The following XPO5 variants were observed in gnomAD, a reference collection of about 807,000 sequenced individuals.
XPO5 encodes exportin 5, also known as exportin-5.
A neutral mutation model predicts 160.6 loss-of-function variants in XPO5; 46 were observed. That is an observed-to-expected ratio of 0.29 (90% CI 0.23 to 0.37). The LOEUF is 0.37. Ranked by LOEUF, XPO5 falls within the 10% of genes least tolerant of loss-of-function variation. The probability of loss-of-function intolerance (pLI) is 1.00; values close to 1 mark genes in which losing one functional copy is unlikely to be tolerated. For synonymous variants in XPO5, 537 were observed against 519.3 expected (o/e 1.03, Z -0.46); for missense variants, 1,090 against 1,463.9 (o/e 0.74, Z 4.17).
intron 20 of XPO5, chr6:43,538,719 G>T (rs1339337112): frequency 5.6e-5 from 27 of 483,870 alleles, no homozygotes; most frequent in Admixed American, 1.2e-4. Flanking sequence ...GTCTGGTTTT[G>T]GTATCAAAAT....
intron 24 of XPO5, 88 bp downstream of exon 24, chr6:43,528,740 C>T: frequency 7.7e-7 from 1 of 1,296,730 alleles, no homozygotes; most frequent in Non-Finnish European, 1.1e-6. Flanking sequence ...GTAGACAACA[C>T]TTCTAGGAGC....
intron 8 of XPO5, among the ~76,000 whole-genome samples, chr6:43,564,877 T>C (rs1476970255): frequency 2.6e-5 from 4 of 151,938 alleles, no homozygotes. Flanking sequence ...GTGCTGAGGT[T>C]ACAAATGTTA....
chr6:43,556,037 A>G, intron 12 of XPO5, 73 bp from the exon 13 acceptor site: 1 of 1,574,072 alleles, frequency 6.4e-7, no homozygotes, highest in Non-Finnish European at 8.6e-7. Flanking sequence ...ATGTTTATTA[A>G]TTTACCACCC....
At chr6:43,528,806 C>A (rs771432017) in intron 24 of XPO5, 22 bp downstream of exon 24, 2 of 1,608,900 alleles carry the variant, frequency 1.2e-6, no homozygotes, top group Admixed American at 3.4e-5. Flanking sequence ...TCTTTGCTTC[C>A]TGTTCCTGAC....
At chr6:43,540,063 C>T (rs1285562077) in intron 20 of XPO5, among the ~76,000 whole-genome samples, 1 of 152,160 alleles carries the variant, frequency 6.6e-6, no homozygotes, top group African/African-American at 2.4e-5. Context: ...GAGAACCAGC[C>T]TGGCCAACAT....
rs999071739 is a variant in XPO5, at chr6:43,547,597, G to A, written c.2160+11C>T. The A allele has an allele frequency of 6.8e-6, 11 of 1,613,474 alleles. No individual in the cohort carries two copies. In the African/African-American group the frequency reaches 1.1e-4, roughly 16 times the overall value. ...GGCCAATGCCACTTCCCATTCCCAG[G>A]AAAGTCTTACTCGTGCACGGTTTAA... On this transcript the variant is annotated intron_variant, in intron 19 of 31. Transcript: ENST00000265351.
rs1032341570 is a variant in XPO5 at position 43,565,707 on chromosome 6, C to A, written c.864G>T (p.Met288Ile). Residue 288 changes from methionine (M) to isoleucine (I), a missense_variant, in exon 8 of 32, where the codon ATG (methionine) becomes ATT (isoleucine). By Grantham distance (10) the Met-to-Ile change is conservative. Coordinates refer to ENST00000265351, the MANE Select transcript of XPO5 (RefSeq NM_020750.3). ...KGKLEDRKPL[M>I]VLFGDVAMHY... ...GCATGGCAACATCTCCAAATAAGAC[C>A]ATCAAGGGCTTCCGGTCTTCCAACT... is the stretch of plus-strand genomic sequence containing the variant. 6.2e-7 allele frequency: 1 copy of A among 1,610,088 alleles called. No homozygotes were observed. The highest frequency in any genetic ancestry group is 1.3e-5 in the African/African-American group (1 of 74,968).
At chr6:43,534,785 G>A (rs1298845590) in intron 20 of XPO5, among the ~76,000 whole-genome samples, 1 of 152,092 alleles carries the variant, frequency 6.6e-6, no homozygotes, top group Non-Finnish European at 1.5e-5. Context: ...ATTACCTGAG[G>A]TCAGGAGTTC....
chr6:43,549,419 A>G, intron 17 of XPO5, 70 bp downstream of exon 17: 1 of 1,444,674 alleles, frequency 6.9e-7, no homozygotes, highest in Admixed American at 2.3e-5. Context: ...TATGTGAGGT[A>G]CACTGAAAGC....
At chr6:43,558,468 T>C (rs774140426) in intron 12 of XPO5, 33 bp downstream of exon 12, 5 of 1,544,248 alleles carry the variant, frequency 3.2e-6, no homozygotes, top group Middle Eastern at 1.7e-4. Flanking sequence ...ATTCTGAGAC[T>C]GTTGAGAGAA....
chr6:43,565,745 A>C lies in XPO5; in HGVS notation c.835-9T>G. 2.5e-6 allele frequency: 4 copies of C among 1,593,114 alleles called. No individual in the cohort carries two copies. Among genetic ancestry groups the C allele is most frequent in the Non-Finnish European group, 3.4e-6 (4 of 1,170,386 alleles). On this transcript the variant is annotated splice_polypyrimidine_tract_variant and intron_variant, in intron 7 of 31. Transcript: ENST00000265351. ...CGGTCTTCCAACTTGCCCTAGACCC[A>C]ATTTTAGGGAAACATAGTCATATAA...
At chr6:43,560,115 A>G in intron 11 of XPO5, 63 bp downstream of exon 11, 1 of 1,558,298 alleles carries the variant, frequency 6.4e-7, no homozygotes, top group Non-Finnish European at 8.7e-7. Context: ...CACCGCACCC[A>G]GCCTCAAAGT....
At position 43,528,821 on chromosome 6, in the gene XPO5, C is replaced by G. The variant is rs752933412; in HGVS notation, c.2775+7G>C. ...TCTTTGCTTCCTGTTCCTGACTTAT[C>G]TCTTACCATATGGAGGTAGGTGAAA... On this transcript the variant is annotated splice_region_variant and intron_variant, in intron 24 of 31. Coordinates refer to ENST00000265351, the MANE Select transcript of XPO5 (RefSeq NM_020750.3). 1.2e-6 allele frequency: 2 copies of G among 1,612,954 alleles called. No individual in the cohort carries two copies. The highest frequency in any genetic ancestry group is 2.7e-5 in the African/African-American group (2 of 74,906).
chr6:43,526,652 A>G, intron 27 of XPO5, 33 bp downstream of exon 27: 4 of 1,612,630 alleles, frequency 2.5e-6, no homozygotes, highest in Non-Finnish European at 3.4e-6. Flanking sequence ...GGAGGCTAAG[A>G]GCAGAACTCC....
chr6:43,533,192 T>G (rs190953159), intron 21 of XPO5, among the ~76,000 whole-genome samples: 79 of 141,830 alleles, frequency 5.6e-4, no homozygotes, highest in African/African-American at 2.0e-3. Flanking sequence ...ATCTATTCCT[T>G]TAAAAACTTT....
At chr6:43,547,801 T>G in intron 18 of XPO5, 94 bp from the exon 19 acceptor site, 1 of 1,052,216 alleles carries the variant, frequency 9.5e-7, no homozygotes, top group Non-Finnish European at 1.4e-6. Flanking sequence ...TATTTGGCCC[T>G]TAAGAGCAGT....
chr6:43,524,138 G>A, intron 31 of XPO5, 133 bp from the exon 32 acceptor site: 1 of 1,327,794 alleles, frequency 7.5e-7, no homozygotes. Context: ...GATCACCTGA[G>A]GTCAGGAGTT....
At chr6:43,553,568 T>C in intron 13 of XPO5, 65 bp from the exon 14 acceptor site, 3 of 1,513,022 alleles carry the variant, frequency 2.0e-6, no homozygotes, top group South Asian at 2.5e-5. Context: ...CATTGAAAGA[T>C]CGCAGAAGAC....
Position 43,575,748 on chromosome 6 carries a change from G to A in XPO5, c.105+12C>T, listed in dbSNP as rs888926330. ...TGTCGGGACCGGCCCAGGACGCCAGGACCCCAGCTACCTTGAGGGCTTCCA... is the reference window on the plus strand; with the variant it reads ...TGTCGGGACCGGCCCAGGACGCCAGAACCCCAGCTACCTTGAGGGCTTCCA... On this transcript the variant is annotated intron_variant, in intron 1 of 31. Transcript: ENST00000265351. The A allele has an allele frequency of 9.3e-6, 15 of 1,606,960 alleles. No homozygotes were observed. The South Asian group carries it at 1.1e-4, about 12-fold the overall frequency.
Sources: gnomAD v4.1 joint callset for allele counts (sites outside exome capture counted in the v4.1 genomes callset) on GRCh38, gnomAD v4.1.1 for gene constraint, MANE v1.5 for transcripts, NCBI Gene and HGNC (gene_info 2026-07-23, HGNC 2026-07-21) for gene names.